Variants in MYO3B observed in about 807,000 individuals in gnomAD.
MYO3B encodes myosin IIIB.
A neutral mutation model predicts 174.6 loss-of-function variants in MYO3B; 156 were observed. The ratio of observed to expected loss-of-function variants is 0.89; its 90% confidence interval spans 0.78 to 1.02. The LOEUF (loss-of-function observed/expected upper bound fraction) is 1.02, where lower values mean the gene tolerates loss of function less well. Ranked by LOEUF, MYO3B falls within the 50% of genes least tolerant of loss-of-function variation. The probability of loss-of-function intolerance (pLI) is 0.00; values close to 1 mark genes in which losing one functional copy is unlikely to be tolerated. For synonymous variants in MYO3B, 563 were observed against 569.1 expected (o/e 0.99, Z 0.15); for missense variants, 1,632 against 1,639.4 (o/e 1.00, Z 0.08).
intron 8 of MYO3B, among the ~76,000 whole-genome samples, chr2:170,360,390 C>A (rs1180810248): frequency 2.0e-5 from 3 of 152,130 alleles, no homozygotes; most frequent in Admixed American, 2.0e-4. Flanking sequence ...TACCCAAAGG[C>A]ATGAACTTGA....
chr2:170,178,379 T>G (rs1388508680), intron 1 of MYO3B, 90 bp downstream of exon 1: 1 of 1,551,180 alleles, frequency 6.4e-7, no homozygotes, highest in African/African-American at 1.4e-5. Context: ...CCCTGGCTGG[T>G]GGGCAGTGGA....
At chr2:170,400,909 C>T (rs2094472083) in intron 17 of MYO3B, among the ~76,000 whole-genome samples, 1 of 151,540 alleles carries the variant, frequency 6.6e-6, no homozygotes, top group African/African-American at 2.4e-5. Flanking sequence ...CGGCTCACTG[C>T]GGGCAGTGGT....
At chr2:170,342,696 T>A (rs754481712) in intron 8 of MYO3B, among the ~76,000 whole-genome samples, 2 of 152,132 alleles carry the variant, frequency 1.3e-5, no homozygotes, top group African/African-American at 4.8e-5. Context: ...GTTCTCTACA[T>A]GTTGTATAAT....
At chr2:170,538,795 A>G (rs1024945832) in intron 30 of MYO3B, among the ~76,000 whole-genome samples, 25 of 152,210 alleles carry the variant, frequency 1.6e-4, no homozygotes, top group Admixed American at 1.6e-3. Context: ...TTATGCTTCC[A>G]AGACGCCAAT....
intron 22 of MYO3B, among the ~76,000 whole-genome samples, chr2:170,442,049 G>A (rs904084934): frequency 1.3e-5 from 2 of 151,972 alleles, no homozygotes; most frequent in African/African-American, 4.8e-5. Flanking sequence ...TTCACTGTGG[G>A]ATTTTCATAA....
rs1689201847 is a variant in MYO3B at position 170,529,433 on chromosome 2, C to T, written c.3575+9893C>T. Reference sequence around the variant, plus strand: ...CCTTCCCTTCTGTCCTCCTTCTCTCCCTCCCTCCCTTCCTTCTTCCTTTTT... The same window carrying T: ...CCTTCCCTTCTGTCCTCCTTCTCTCTCTCCCTCCCTTCCTTCTTCCTTTTT... On this transcript the variant is annotated intron_variant, in intron 30 of 34. Coordinates refer to ENST00000408978, the MANE Select transcript of MYO3B (RefSeq NM_138995.5). Among the ~76,000 whole-genome samples the T allele has an allele frequency of 2.0e-5, 3 of 151,502 alleles. No individual in the cohort carries two copies. The South Asian group carries it at 6.3e-4, about 32-fold the overall frequency.
chr2:170,345,756 A>G lies in MYO3B; in HGVS notation c.815+10306A>G, dbSNP rs564939022. Reference sequence around the variant, plus strand: ...GCCATTACAGATGTAATTAGTTAAGATGAGGTCATACTGGAGTAGGATGGG... The same window carrying G: ...GCCATTACAGATGTAATTAGTTAAGGTGAGGTCATACTGGAGTAGGATGGG... On this transcript the variant is annotated intron_variant, in intron 8 of 34. Coordinates refer to ENST00000408978, the MANE Select transcript of MYO3B (RefSeq NM_138995.5). Among the ~76,000 whole-genome samples the G allele has an allele frequency of 6.6e-5, 10 of 150,710 alleles. No homozygotes were observed. The East Asian group carries it at 1.4e-3, about 20-fold the overall frequency.
chr2:170,335,435 A>T lies in MYO3B; in HGVS notation c.800A>T (p.Asn267Ile), dbSNP rs34509373. The T allele has an allele frequency of 5.6e-6, 9 of 1,612,292 alleles. No individual in the cohort carries two copies. The African/African-American group carries it at 1.2e-4, about 21-fold the overall frequency. ...LHPEKWCEEF[N>I]HFISQCLIKD... ...CCAGAAAAATGGTGTGAAGAATTCA[A>T]CCACTTTATTTCACAGTGAGTATTT... The change falls in exon 8 of 35, where the codon AAC becomes ATC. Residue 267 changes from asparagine to isoleucine, a missense_variant. By Grantham distance (149) the Asn-to-Ile change is moderately radical. Transcript: ENST00000408978.
chr2:170,441,858 T>C (rs2094803280), intron 22 of MYO3B, among the ~76,000 whole-genome samples: 1 of 152,234 alleles, frequency 6.6e-6, no homozygotes, highest in Non-Finnish European at 1.5e-5. Flanking sequence ...CTTTTCTTTT[T>C]TTAACTGCAA....
At chr2:170,552,895 C>T (rs1388293133) in intron 32 of MYO3B, among the ~76,000 whole-genome samples, 1 of 152,156 alleles carries the variant, frequency 6.6e-6, no homozygotes, top group South Asian at 2.1e-4. Flanking sequence ...GCATCCCAGC[C>T]GATCTAGCTT....
chr2:170,272,743 G>A (rs2093434604), intron 7 of MYO3B, among the ~76,000 whole-genome samples: 1 of 152,190 alleles, frequency 6.6e-6, no homozygotes, highest in Admixed American at 6.5e-5. Flanking sequence ...GTAAGAGTGA[G>A]TTCTTCATAA....
chr2:170,572,769 A>G (rs1246121905), intron 32 of MYO3B, among the ~76,000 whole-genome samples: 3 of 152,212 alleles, frequency 2.0e-5, no homozygotes, highest in African/African-American at 7.2e-5. Flanking sequence ...TTTAACAAAC[A>G]TAAATATCTA....
intron 8 of MYO3B, among the ~76,000 whole-genome samples, chr2:170,360,595 T>G (rs1246066106): frequency 2.0e-5 from 3 of 152,202 alleles, no homozygotes; most frequent in Non-Finnish European, 4.4e-5. Context: ...CCATTGCACA[T>G]TAACATTTCC....
intron 25 of MYO3B, among the ~76,000 whole-genome samples, chr2:170,493,219 T>C (rs538090154): frequency 6.6e-6 from 1 of 152,294 alleles, no homozygotes; most frequent in South Asian, 2.1e-4. Context: ...CTAAAAGAGA[T>C]CAATTCTTCC....
intron 21 of MYO3B, among the ~76,000 whole-genome samples, chr2:170,406,902 T>TAGGGACCTAGGGAGG (rs1398772034): frequency 7.2e-5 from 11 of 152,096 alleles, no homozygotes; most frequent in Non-Finnish European, 1.5e-4. Context: ...CACTCAGATC[T>TAGGGACCTAGGGAGG]CATGAGGACC....
At chr2:170,612,586 G>A (rs2105297110) in intron 32 of MYO3B, among the ~76,000 whole-genome samples, 1 of 152,294 alleles carries the variant, frequency 6.6e-6, no homozygotes, top group South Asian at 2.1e-4. Context: ...AATCAAATGA[G>A]CAACAAGGAA....
At chr2:170,616,430 G>T (rs1431355440) in intron 32 of MYO3B, among the ~76,000 whole-genome samples, 2 of 152,162 alleles carry the variant, frequency 1.3e-5, no homozygotes, top group African/African-American at 4.8e-5. Flanking sequence ...ATCACGTGCA[G>T]TTGGCTCATT....
intron 22 of MYO3B, among the ~76,000 whole-genome samples, chr2:170,431,969 T>C (rs2094712797): frequency 1.3e-5 from 2 of 152,256 alleles, no homozygotes; most frequent in South Asian, 4.1e-4. Context: ...AATGCATTAC[T>C]CAGGTGTTTG....
At chr2:170,263,830 T>C (rs2093362801) in intron 7 of MYO3B, among the ~76,000 whole-genome samples, 1 of 152,092 alleles carries the variant, frequency 6.6e-6, no homozygotes, top group Non-Finnish European at 1.5e-5. Flanking sequence ...CTTCCTCTTT[T>C]ACTAATCCTC....
Sources: gnomAD v4.1 joint callset for allele counts (sites outside exome capture counted in the v4.1 genomes callset) on GRCh38, gnomAD v4.1.1 for gene constraint, MANE v1.5 for transcripts, NCBI Gene and HGNC (gene_info 2026-07-23, HGNC 2026-07-21) for gene names.